The following SBF2 variants were observed in gnomAD, a reference collection of about 807,000 sequenced individuals.
SBF2 encodes the protein myotubularin-related protein 13.
SBF2 carries 112 observed loss-of-function variants against 225.2 expected under a neutral mutation model. The ratio of observed to expected loss-of-function variants is 0.50; its 90% CI spans 0.43 to 0.58. SBF2 has a LOEUF of 0.58. Among genes scored for constraint, SBF2 ranks in the 20% least tolerant of loss-of-function variants. The probability of loss-of-function intolerance (pLI) is 0.00; values close to 1 mark genes in which losing one functional copy is unlikely to be tolerated. For missense variants in SBF2, 1,996 were observed against 2,206.2 expected (o/e 0.90, Z 1.91); for synonymous variants, 763 against 773.3 (o/e 0.99, Z 0.22).
chr11:9,795,750 G>A (rs987517035), intron 33 of SBF2, 81 bp downstream of exon 33: 12 of 1,504,748 alleles, frequency 8.0e-6, no homozygotes, highest in Admixed American at 1.7e-5. Context: ...TCAGTCTTGG[G>A]GATAGTTACA....
intron 6 of SBF2, among the ~76,000 whole-genome samples, chr11:10,020,283 C>T (rs1379377655): frequency 6.6e-6 from 1 of 152,050 alleles, no homozygotes; most frequent in Non-Finnish European, 1.5e-5. Context: ...CCTCTAGGAA[C>T]ACTGGATTGG....
intron 1 of SBF2, among the ~76,000 whole-genome samples, chr11:10,264,853 G>C (rs1288210735): frequency 1.3e-5 from 2 of 151,496 alleles, no homozygotes; most frequent in African/African-American, 4.9e-5. Context: ...TCTGTTCTTA[G>C]GATAGTTTGC....
In SBF2 at chr11:10,003,517, G is replaced by A. The variant is rs547724916; in HGVS notation, c.620-828C>T. ...TGAGTAGCTGGGATTACAGGCGCCC[G>A]CCACCATGCCCAGCTAATTTTTTCT... On this transcript the variant is annotated intron_variant, in intron 6 of 39. Coordinates refer to ENST00000256190, the MANE Select transcript of SBF2 (RefSeq NM_030962.4). Among the ~76,000 whole-genome samples, 32 of 151,864 alleles carry A rather than the reference G, an allele frequency of 2.1e-4. No homozygotes were observed. In the East Asian group the frequency reaches 2.7e-3, roughly 13 times the overall value.
At chr11:9,933,054 G>T (rs1452582671) in intron 16 of SBF2, among the ~76,000 whole-genome samples, 2 of 144,318 alleles carry the variant, frequency 1.4e-5, no homozygotes, top group Non-Finnish European at 3.0e-5. Context: ...GATCAAAAGA[G>T]ACAAAGAAGG....
At chr11:9,827,719 T>A (rs1159936873) in intron 28 of SBF2, among the ~76,000 whole-genome samples, 1 of 152,170 alleles carries the variant, frequency 6.6e-6, no homozygotes, top group Non-Finnish European at 1.5e-5. Context: ...AAACCAGTAT[T>A]TCAGAGGACA....
chr11:9,907,099 C>T (rs1862177271), intron 16 of SBF2, among the ~76,000 whole-genome samples: 1 of 152,136 alleles, frequency 6.6e-6, no homozygotes, highest in Admixed American at 6.5e-5. Flanking sequence ...TTTGAATTGC[C>T]CAAAACACTG....
At position 9,967,969 on chromosome 11, in the gene SBF2, CTCTA is replaced by C. The variant is rs1384083055; in HGVS notation, c.1600+368_1600+371del. 6.4e-3 allele frequency among the ~76,000 whole-genome samples: 561 copies of C among 87,412 alleles called. 6 individuals are homozygous for C. The highest frequency in any genetic ancestry group is 0.024 in the East Asian group (63 of 2,608). The allele number at this position is 87,412 out of a possible 152,430, so 57.3% of individuals were successfully genotyped here. On this transcript the variant is annotated intron_variant, in intron 14 of 39. Coordinates refer to ENST00000256190, the MANE Select transcript of SBF2 (RefSeq NM_030962.4). ...TCTGTCTCTCTCTCTCTCTCTCTCT[CTCTA>C]TATATATATATATATATAAAATATA...
chr11:10,221,041 A>C lies in SBF2; in HGVS notation c.56-27054T>G, dbSNP rs138541581. On this transcript the variant is annotated intron_variant, in intron 1 of 39. Coordinates refer to ENST00000256190, the MANE Select transcript of SBF2 (RefSeq NM_030962.4). ...CTGTGTTCTTCATAGTATCCTGTTTATACCTCTTATCATGGCTCCTTTCAC... is the reference window on the plus strand; with the variant it reads ...CTGTGTTCTTCATAGTATCCTGTTTCTACCTCTTATCATGGCTCCTTTCAC... Among the ~76,000 whole-genome samples, 221 of 150,748 alleles carry C rather than the reference A, an allele frequency of 1.5e-3. 1 individual carries two copies. The highest frequency in any genetic ancestry group is 2.3e-3 in the Non-Finnish European group (157 of 67,844).
intron 35 of SBF2, 30 bp from the exon 36 acceptor site, chr11:9,787,768 G>T (rs1216151007): frequency 6.3e-7 from 1 of 1,587,608 alleles, no homozygotes; most frequent in East Asian, 2.2e-5. Context: ...TTTCTGATCA[G>T]TATTTCATAG....
intron 1 of SBF2, among the ~76,000 whole-genome samples, chr11:10,270,774 A>T (rs919472027): frequency 2.6e-5 from 4 of 152,154 alleles, no homozygotes; most frequent in Non-Finnish European, 5.9e-5. Flanking sequence ...TAGGCGGATC[A>T]CAAGATCAGG....
chr11:9,781,783 T>TAATA, intron 38 of SBF2, 145 bp from the exon 39 acceptor site: 3 of 916,606 alleles, frequency 3.3e-6, no homozygotes, highest in Non-Finnish European at 5.2e-6. Context: ...AATTAATTAA[T>TAATA]AATACTTGTT....
intron 2 of SBF2, among the ~76,000 whole-genome samples, chr11:10,070,019 T>G (rs1322275240): frequency 6.6e-6 from 1 of 152,208 alleles, no homozygotes; most frequent in Non-Finnish European, 1.5e-5. Context: ...TTTTTTCTTG[T>G]AAATTTGTTT....
At chr11:10,151,209 A>G (rs1955170352) in intron 2 of SBF2, among the ~76,000 whole-genome samples, 1 of 152,338 alleles carries the variant, frequency 6.6e-6, no homozygotes, top group East Asian at 1.9e-4. Context: ...AAAAATATCC[A>G]GTAATCTAGT....
intron 11 of SBF2, among the ~76,000 whole-genome samples, chr11:9,992,750 G>T (rs935780657): frequency 6.6e-6 from 1 of 151,992 alleles, no homozygotes; most frequent in Middle Eastern, 3.2e-3. Context: ...CTACATGTCA[G>T]GAGAAGAAAT....
intron 8 of SBF2, among the ~76,000 whole-genome samples, chr11:9,998,825 G>A (rs1947821061): frequency 6.6e-6 from 1 of 152,138 alleles, no homozygotes; most frequent in African/African-American, 2.4e-5. Flanking sequence ...CTGGCATAAT[G>A]GAACATCTCT....
In SBF2 at chr11:10,084,252, A is replaced by G. The variant is rs561054872; in HGVS notation, c.142-41271T>C. Among the ~76,000 whole-genome samples the G allele has an allele frequency of 2.2e-4, 34 of 152,254 alleles. No homozygotes were observed. In the South Asian group the frequency reaches 6.4e-3, roughly 29 times the overall value. The stretch of plus-strand genomic sequence containing the variant: ...ACATGTATCCTGGAACTTTTGGAAA[A>G]AAAAAAGTGTGCAAAAGACATGAAC... On this transcript the variant is annotated intron_variant, in intron 2 of 39. Transcript: ENST00000256190.
intron 33 of SBF2, among the ~76,000 whole-genome samples, chr11:9,792,939 GTTT>G (rs34305025): frequency 1.3e-3 from 152 of 121,190 alleles, no homozygotes; most frequent in African/African-American, 3.4e-3. Context: ...GTGTGTGTGT[GTTT>G]TTTTTTTTTT....
intron 28 of SBF2, chr11:9,819,508 GA>G (rs1394373248): frequency 2.6e-5 from 4 of 152,150 alleles, no homozygotes; most frequent in Non-Finnish European, 5.9e-5. Context: ...CCTGTTAAAT[GA>G]AATTTCAGCA....
At chr11:10,042,169 A>C (rs1357166939) in intron 3 of SBF2, among the ~76,000 whole-genome samples, 1 of 152,210 alleles carries the variant, frequency 6.6e-6, no homozygotes, top group African/African-American at 2.4e-5. Context: ...GGTGGAAGGA[A>C]TATGGTTTCT....
Sources: gnomAD v4.1 joint callset for allele counts (sites outside exome capture counted in the v4.1 genomes callset) on GRCh38, gnomAD v4.1.1 for gene constraint, MANE v1.5 for transcripts, NCBI Gene and HGNC (gene_info 2026-07-23, HGNC 2026-07-21) for gene names.